The following VSTM2B variants were observed in gnomAD, a reference collection of about 807,000 sequenced individuals.
VSTM2B encodes the protein V-set and transmembrane domain containing 2B.
Under a neutral mutation model 24.0 loss-of-function variants are expected in VSTM2B, and 24 were observed. The ratio of observed to expected loss-of-function variants is 1.00; its 90% confidence interval spans 0.72 to 1.40. The LOEUF (loss-of-function observed/expected upper bound fraction) is 1.40. VSTM2B is among the 40% of genes most tolerant of loss of function. VSTM2B has a pLI of 0.00. For missense variants in VSTM2B, 399 were observed against 416.4 expected (o/e 0.96, Z 0.36); for synonymous variants, 226 against 194.4 (o/e 1.16, Z -1.35).
intron 4 of VSTM2B, among the ~76,000 whole-genome samples, chr19:29,550,960 G>A (rs546101936): frequency 1.0e-3 from 155 of 152,338 alleles, no homozygotes; most frequent in Non-Finnish European, 1.5e-3. Flanking sequence ...GAGGGCTGCA[G>A]CTCTCTTCTA....
In VSTM2B at chr19:29,526,879, C is replaced by T. The variant is rs1296846358; in HGVS notation, c.82+214C>T. Reference sequence around the variant, plus strand: ...CGAGTCGTTCCCAGTCCCGCCGGGGCCCCGGCTGCGGAAAGGATGCCTGCG... The same window carrying T: ...CGAGTCGTTCCCAGTCCCGCCGGGGTCCCGGCTGCGGAAAGGATGCCTGCG... On this transcript the variant is annotated intron_variant, in intron 1 of 4. Transcript: ENST00000335523. The surrounding 1 kb of genome is among the most constrained non-coding windows in gnomAD (Gnocchi z 4.1). The T allele has an allele frequency of 6.6e-6, 3 of 454,406 alleles. No individual in the cohort carries two copies. Among genetic ancestry groups the T allele is most frequent in the East Asian group, 8.0e-5 (2 of 25,064 alleles). 28.1% of individuals were successfully genotyped at this position (454,406 alleles called of 1,614,324 possible).
chr19:29,548,015 A>T (rs1970190385), intron 4 of VSTM2B, among the ~76,000 whole-genome samples: 1 of 151,924 alleles, frequency 6.6e-6, no homozygotes, highest in East Asian at 1.9e-4. Context: ...CGTCTGAAGG[A>T]TGGAGTGGTT....
rs1440970462 is a variant in VSTM2B, at chr19:29,564,147, A to G, written c.*213A>G. 2.0e-6 allele frequency: 1 copy of G among 511,998 alleles called. No homozygotes were observed. Among genetic ancestry groups the G allele is most frequent in the Non-Finnish European group, 3.5e-6 (1 of 284,094 alleles). The allele number at this position is 511,998 out of a possible 1,614,324, so 31.7% of individuals were successfully genotyped here. ...TTCCAAATAATTTGGAGTTTGGCCC[A>G]TGCAGTCTGCATGGGAATCAATGAT... is the stretch of plus-strand genomic sequence containing the variant. On this transcript the variant is annotated 3_prime_UTR_variant, in exon 5 of 5. Transcript: ENST00000335523.
chr19:29,555,946 C>G (rs939036461), intron 4 of VSTM2B, among the ~76,000 whole-genome samples: 2 of 152,080 alleles, frequency 1.3e-5, no homozygotes, highest in African/African-American at 4.8e-5. Flanking sequence ...AGCCTGGGAC[C>G]AGATGGATTT....
chr19:29,549,271 C>T (rs1599897301), intron 4 of VSTM2B, among the ~76,000 whole-genome samples: 4 of 152,154 alleles, frequency 2.6e-5, no homozygotes, highest in Non-Finnish European at 4.4e-5. Context: ...CATTTTGTAA[C>T]CAGGAAATCA....
Position 29,530,140 on chromosome 19 carries a change from C to T in VSTM2B, c.619C>T (p.Pro207Ser), listed in dbSNP as rs1211680271. The T allele has an allele frequency of 1.5e-5, 22 of 1,463,148 alleles. No individual in the cohort carries two copies. The highest frequency in any genetic ancestry group is 2.1e-4 in the Middle Eastern group (1 of 4,794). The allele number at this position is 1,463,148 out of a possible 1,614,324, so 90.6% of individuals were successfully genotyped here. Residue 207 changes from proline to serine, a missense_variant, in exon 4 of 5, where the codon CCT (proline) becomes TCT (serine). By Grantham distance (74) the Pro-to-Ser change is moderately conservative. Transcript: ENST00000335523. ...RGDKSPPPGS[P>S]PAAIDPAVPE... is the part of the protein sequence containing the mutation. ...CGACAAGAGCCCGCCGCCCGGGAGC[C>T]CTCCCGCCGCCATCGATCCCGCAGT...
chr19:29,563,297 G>A (rs1468400303), intron 4 of VSTM2B, among the ~76,000 whole-genome samples: 1 of 150,698 alleles, frequency 6.6e-6, no homozygotes, highest in African/African-American at 2.4e-5. Flanking sequence ...CTGTCTCCCA[G>A]GCTGGAGTGC....
At chr19:29,544,264 C>T (rs566767102) in intron 4 of VSTM2B, among the ~76,000 whole-genome samples, 26 of 151,836 alleles carry the variant, frequency 1.7e-4, no homozygotes, top group Admixed American at 1.5e-3. Flanking sequence ...CGGTGGCTCA[C>T]GCCTGTAATC....
intron 3 of VSTM2B, 61 bp downstream of exon 3, chr19:29,528,523 G>A: frequency 6.5e-7 from 1 of 1,545,238 alleles, no homozygotes; most frequent in South Asian, 1.2e-5. Context: ...GGGTCCCGCA[G>A]CTCCCTCCCT....
intron 4 of VSTM2B, among the ~76,000 whole-genome samples, chr19:29,557,744 AC>A (rs1033706216): frequency 1.4e-4 from 21 of 152,016 alleles, no homozygotes; most frequent in Admixed American, 6.6e-5. Flanking sequence ...AACTATAAAA[AC>A]CCCAGAAGAA....
chr19:29,559,916 A>G (rs2145517656), intron 4 of VSTM2B, among the ~76,000 whole-genome samples: 1 of 152,238 alleles, frequency 6.6e-6, no homozygotes, highest in Non-Finnish European at 1.5e-5. Flanking sequence ...TGGCTCAGCA[A>G]TTTGGGCTGG....
chr19:29,551,584 C>A (rs1970286873), intron 4 of VSTM2B, among the ~76,000 whole-genome samples: 1 of 152,118 alleles, frequency 6.6e-6, no homozygotes, highest in Non-Finnish European at 1.5e-5. Flanking sequence ...TAATTGATAT[C>A]TTAATCTTGA....
At chr19:29,549,408 A>G (rs1599897456) in intron 4 of VSTM2B, among the ~76,000 whole-genome samples, 1 of 151,806 alleles carries the variant, frequency 6.6e-6, no homozygotes, top group East Asian at 1.9e-4. Flanking sequence ...GTGCTGCCCC[A>G]GGAGAGCCTG....
intron 4 of VSTM2B, among the ~76,000 whole-genome samples, chr19:29,532,083 T>C (rs1194888987): frequency 6.6e-6 from 1 of 152,242 alleles, no homozygotes; most frequent in African/African-American, 2.4e-5. Context: ...TTCATATGCA[T>C]TTAGGACGGC....
chr19:29,527,463 G>C (rs1969611525), intron 2 of VSTM2B, 68 bp downstream of exon 2: 1 of 1,349,056 alleles, frequency 7.4e-7, no homozygotes, highest in Non-Finnish European at 9.6e-7. Context: ...GGCTAACCCA[G>C]GGAGGGAAGC....
intron 3 of VSTM2B, chr19:29,528,820 C>A (rs927929038): frequency 3.6e-6 from 3 of 832,714 alleles, no homozygotes; most frequent in African/African-American, 1.8e-5. Flanking sequence ...TGCTCGCCCT[C>A]GCCGCGACCG....
At chr19:29,558,034 A>G (rs1970449854) in intron 4 of VSTM2B, among the ~76,000 whole-genome samples, 1 of 152,172 alleles carries the variant, frequency 6.6e-6, no homozygotes, top group Non-Finnish European at 1.5e-5. Context: ...GACTGGGCAA[A>G]GGACATGAAC....
At chr19:29,527,446 C>A (rs1044357694) in intron 2 of VSTM2B, 51 bp downstream of exon 2, 10 of 1,401,816 alleles carry the variant, frequency 7.1e-6, no homozygotes, top group Admixed American at 3.2e-5. Flanking sequence ...GCGCCCGGGG[C>A]GGCGAAGGCT....
At chr19:29,560,165 G>C (rs568311936) in intron 4 of VSTM2B, among the ~76,000 whole-genome samples, 5 of 152,080 alleles carry the variant, frequency 3.3e-5, no homozygotes, top group African/African-American at 4.8e-5. Flanking sequence ...CTTCACACCC[G>C]ATAATGTTCC....
Sources: gnomAD v4.1 joint callset for allele counts (sites outside exome capture counted in the v4.1 genomes callset) on GRCh38, gnomAD v4.1.1 for gene constraint, Gnocchi (gnomAD v3.1) non-coding constraint, MANE v1.5 for transcripts, NCBI Gene and HGNC (gene_info 2026-07-23, HGNC 2026-07-21) for gene names.